SDK1: variants seen among roughly 807,000 people sequenced by gnomAD.
SDK1 encodes sidekick cell adhesion molecule 1, also known as protein sidekick-1.
A neutral mutation model predicts 245.5 loss-of-function variants in SDK1; 157 were observed. That is an observed-to-expected ratio of 0.64 (90% CI 0.56 to 0.73). The LOEUF is 0.73. Ranked by LOEUF, SDK1 falls within the 30% of genes least tolerant of loss-of-function variation. The pLI is 0.00. For missense variants in SDK1, 3,583 were observed against 3,002.3 expected, an observed-to-expected ratio of 1.19 and a Z score of -4.52; for synonymous variants, 1,647 against 1,278.5, an observed-to-expected ratio of 1.29 and a Z score of -6.15.
At position 4,067,925 on chromosome 7, in the gene SDK1, G is replaced by A. The variant is rs1455955008; in HGVS notation, c.2999G>A (p.Gly1000Asp). 1.2e-6 allele frequency: 2 copies of A among 1,609,488 alleles called. No individual in the cohort carries two copies. The highest frequency in any genetic ancestry group is 1.7e-6 in the Non-Finnish European group (2 of 1,176,932). Residue 1000 changes from glycine to aspartate, a missense_variant, in exon 20 of 45, where the codon GGC becomes GAC. Coordinates refer to ENST00000404826, the MANE Select transcript of SDK1 (RefSeq NM_152744.4). ...VSWQEPLEKN[G>D]IITGYQISWE... ...TGGCAGGAGCCCCTGGAGAAAAATG[G>A]CATCATTACTGGTAAGTAGGCCTGT...
intron 4 of SDK1, among the ~76,000 whole-genome samples, chr7:3,735,312 G>A (rs1322313941): frequency 6.6e-6 from 1 of 152,154 alleles, no homozygotes; most frequent in Non-Finnish European, 1.5e-5. Flanking sequence ...TTGCTAAGCA[G>A]TGACTCTCTG....
intron 17 of SDK1, among the ~76,000 whole-genome samples, chr7:4,028,412 G>A (rs1408384822): frequency 6.6e-6 from 1 of 152,212 alleles, no homozygotes. Flanking sequence ...TGTGACATGT[G>A]ACATCACCAC....
intron 14 of SDK1, among the ~76,000 whole-genome samples, chr7:3,991,088 C>T (rs1350004757): frequency 1.3e-5 from 2 of 152,206 alleles, no homozygotes; most frequent in African/African-American, 2.4e-5. Flanking sequence ...CCACGTCGCA[C>T]GTTCCCGGCT....
intron 4 of SDK1, among the ~76,000 whole-genome samples, chr7:3,770,081 C>T (rs1243109058): frequency 6.6e-6 from 1 of 151,696 alleles, no homozygotes; most frequent in African/African-American, 2.4e-5. Context: ...TGAGACAGGG[C>T]CGAAAGTGGT....
chr7:4,066,483 A>C (rs950534196), intron 19 of SDK1, among the ~76,000 whole-genome samples: 1 of 152,066 alleles, frequency 6.6e-6, no homozygotes. Context: ...AAGCGTTTCC[A>C]TTTCCACCTG....
chr7:3,984,551 T>A (rs1783671882), intron 13 of SDK1, among the ~76,000 whole-genome samples: 2 of 152,218 alleles, frequency 1.3e-5, no homozygotes. Context: ...CCCATTTCTG[T>A]TGTCTCCCAG....
At chr7:3,462,031 C>G (rs779741705) in intron 1 of SDK1, among the ~76,000 whole-genome samples, 1 of 152,180 alleles carries the variant, frequency 6.6e-6, no homozygotes, top group Non-Finnish European at 1.5e-5. Flanking sequence ...TGCACCCTAC[C>G]TCTTCTCTTT....
At chr7:3,630,405 T>C (rs1320852421) in intron 2 of SDK1, among the ~76,000 whole-genome samples, 5 of 152,200 alleles carry the variant, frequency 3.3e-5, no homozygotes, top group African/African-American at 7.2e-5. Flanking sequence ...CATTACAAGA[T>C]AGAAGATCAA....
chr7:3,511,347 C>T lies in SDK1; in HGVS notation c.299-107733C>T, dbSNP rs957271538. ...TGTGTTGAGATTTTGCATTTGATTT[C>T]AGTGCTAAAGATTTTAGATAAAGCT... On this transcript the variant is annotated intron_variant, in intron 1 of 44. Transcript: ENST00000404826. 2.0e-5 allele frequency among the ~76,000 whole-genome samples: 3 copies of T among 152,112 alleles called. No homozygotes were observed. The East Asian group carries it at 5.8e-4, about 29-fold the overall frequency.
chr7:3,381,396 T>C (rs959183147), intron 1 of SDK1, among the ~76,000 whole-genome samples: 2 of 151,878 alleles, frequency 1.3e-5, no homozygotes, highest in Non-Finnish European at 2.9e-5. Flanking sequence ...GCACCCGCAC[T>C]GGTGACTGTG....
rs577428375 is a variant in SDK1 at position 3,861,510 on chromosome 7, C to T, written c.847+39927C>T. On this transcript the variant is annotated intron_variant, in intron 5 of 44. Coordinates refer to ENST00000404826, the MANE Select transcript of SDK1 (RefSeq NM_152744.4). ...CACTGACCCCCTGCTGCTTGGGTGC[C>T]ACCAAAAATAAATGGAATGAGTAAT... 2.0e-5 allele frequency among the ~76,000 whole-genome samples: 3 copies of T among 152,102 alleles called. No homozygotes were observed. The East Asian group carries it at 5.8e-4, about 29-fold the overall frequency.
intron 1 of SDK1, among the ~76,000 whole-genome samples, chr7:3,613,755 G>T (rs1207134815): frequency 6.6e-6 from 1 of 152,188 alleles, no homozygotes; most frequent in Non-Finnish European, 1.5e-5. Flanking sequence ...ACTGGATAAA[G>T]AAAATGTGGT....
In SDK1 at chr7:4,168,134, CA is replaced by C. The variant is rs568708703; in HGVS notation, c.4801-6087del. Among the ~76,000 whole-genome samples the C allele has an allele frequency of 5.0e-4, 76 of 152,320 alleles. 1 individual carries two copies. In the South Asian group the frequency reaches 0.016, roughly 31 times the overall value. ...CCGGACCCTTTGTAAGTGACGCTCC[CA>C]CTGGGAAGATGACACCTGCTAGCAG... On this transcript the variant is annotated intron_variant, in intron 32 of 44. Coordinates refer to ENST00000404826, the MANE Select transcript of SDK1 (RefSeq NM_152744.4).
intron 5 of SDK1, among the ~76,000 whole-genome samples, chr7:3,930,795 CGAAAA>C (rs202209088): frequency 0.011 from 1,633 of 147,526 alleles, 15 homozygotes; most frequent in African/African-American, 0.03. Flanking sequence ...TCTGTCTCAC[CGAAAA>C]GAAAAGAAAA....
chr7:4,053,794 A>G (rs917219154), intron 19 of SDK1, among the ~76,000 whole-genome samples: 2 of 152,176 alleles, frequency 1.3e-5, no homozygotes, highest in African/African-American at 4.8e-5. Flanking sequence ...TGAAATGAAA[A>G]GTAGCCCTGC....
intron 32 of SDK1, among the ~76,000 whole-genome samples, chr7:4,168,335 G>A (rs936210026): frequency 1.5e-4 from 23 of 152,204 alleles, no homozygotes; most frequent in Non-Finnish European, 2.4e-4. Context: ...GCCCCAGCCC[G>A]GTGGCTGACG....
intron 32 of SDK1, among the ~76,000 whole-genome samples, chr7:4,162,153 G>A (rs962351561): frequency 1.2e-4 from 19 of 152,104 alleles, no homozygotes; most frequent in African/African-American, 4.3e-4. Context: ...AGCGTTGGAG[G>A]AACTGGGTAT....
rs150729662 is a variant in SDK1 at position 4,105,995 on chromosome 7, C to T, written c.3325-4668C>T. On this transcript the variant is annotated intron_variant, in intron 22 of 44. Coordinates refer to ENST00000404826, the MANE Select transcript of SDK1 (RefSeq NM_152744.4). ...CCAATCATTTGGCACCTGTTCCAAT[C>T]GACATCTTTCAAAAAGGGAGACCAG... is the stretch of plus-strand genomic sequence containing the variant. Among the ~76,000 whole-genome samples, 636 of 152,192 alleles carry T rather than the reference C, an allele frequency of 4.2e-3. 4 individuals carry two copies. The highest frequency in any genetic ancestry group is 0.014 in the African/African-American group (596 of 41,450).
intron 23 of SDK1, among the ~76,000 whole-genome samples, 170 bp from the exon 24 acceptor site, chr7:4,113,119 C>T (rs1783455536): frequency 1.3e-5 from 2 of 152,152 alleles, no homozygotes; most frequent in Non-Finnish European, 2.9e-5. Flanking sequence ...ACAATTTGCA[C>T]TTTTAATGAA....
Sources: gnomAD v4.1 joint callset for allele counts (sites outside exome capture counted in the v4.1 genomes callset) on GRCh38, gnomAD v4.1.1 for gene constraint, MANE v1.5 for transcripts, NCBI Gene and HGNC (gene_info 2026-07-23, HGNC 2026-07-21) for gene names.